The following MAPKAP1 variants were observed in gnomAD, a reference collection of about 807,000 sequenced individuals.
MAPKAP1 encodes the protein MAPK associated protein 1, also known as target of rapamycin complex 2 subunit MAPKAP1.
MAPKAP1 carries 20 observed loss-of-function variants against 65.7 expected under a neutral mutation model. The ratio of observed to expected loss-of-function variants is 0.30; its 90% CI spans 0.21 to 0.44. The LOEUF is 0.44. Among genes scored for constraint, MAPKAP1 ranks in the 20% least tolerant of loss-of-function variants. The pLI is 1.00. For missense variants in MAPKAP1, 423 were observed against 648.0 expected (o/e 0.65, Z 3.77); for synonymous variants, 222 against 244.3 (o/e 0.91, Z 0.85).
At chr9:125,622,703 C>T (rs900727313) in intron 4 of MAPKAP1, among the ~76,000 whole-genome samples, 31 of 152,160 alleles carry the variant, frequency 2.0e-4, no homozygotes, top group Admixed American at 1.2e-3. Context: ...CTTGGCCTCC[C>T]AAAGTGCTGG....
At position 125,678,376 on chromosome 9, in the gene MAPKAP1, A is replaced by G. The variant is rs568686127; in HGVS notation, c.-69-5733T>C. Among the ~76,000 whole-genome samples, 5 of 151,242 alleles carry G rather than the reference A, an allele frequency of 3.3e-5. No homozygotes were observed. In the South Asian group the frequency reaches 6.3e-4, roughly 19 times the overall value. ...TCCTGCCTCAGCCTCCTGAGTAGCTAAGACTACAGGCGCCCGCCACCACGC... is the reference window on the plus strand; with the variant it reads ...TCCTGCCTCAGCCTCCTGAGTAGCTGAGACTACAGGCGCCCGCCACCACGC... On this transcript the variant is annotated intron_variant, in intron 1 of 11. Coordinates refer to ENST00000265960, the MANE Select transcript of MAPKAP1 (RefSeq NM_001006617.3).
At chr9:125,664,190 T>C (rs1469984336) in intron 3 of MAPKAP1, among the ~76,000 whole-genome samples, 1 of 150,342 alleles carries the variant, frequency 6.7e-6, no homozygotes, top group Non-Finnish European at 1.5e-5. Context: ...CTACCAAAAA[T>C]ACAAAAATTA....
chr9:125,686,983 G>A (rs1180276093), intron 1 of MAPKAP1, among the ~76,000 whole-genome samples: 1 of 151,864 alleles, frequency 6.6e-6, no homozygotes, highest in Non-Finnish European at 1.5e-5. Context: ...CCACCACCAC[G>A]CCCGGCTAAT....
intron 9 of MAPKAP1, 91 bp downstream of exon 9, chr9:125,484,352 G>T: frequency 7.8e-7 from 1 of 1,283,038 alleles, no homozygotes; most frequent in East Asian, 2.7e-5. Context: ...TAGTCATTCA[G>T]GTCACATAAA....
chr9:125,646,310 TCAAAACAAAA>T (rs542264994), intron 4 of MAPKAP1, among the ~76,000 whole-genome samples: 44 of 152,026 alleles, frequency 2.9e-4, no homozygotes, highest in South Asian at 4.1e-4. Flanking sequence ...CCCTGTCTCT[TCAAAACAAAA>T]CAAAACAAAA....
intron 3 of MAPKAP1, among the ~76,000 whole-genome samples, chr9:125,666,731 G>A (rs1313015976): frequency 7.9e-5 from 12 of 152,188 alleles, no homozygotes; most frequent in Admixed American, 7.9e-4. Flanking sequence ...GTTTGTGGGA[G>A]ATGTATAAAA....
chr9:125,672,738 T>G, intron 1 of MAPKAP1, 95 bp from the exon 2 acceptor site: 6 of 736,790 alleles, frequency 8.1e-6, no homozygotes, highest in Non-Finnish European at 1.3e-5. Context: ...AATGCCACCT[T>G]GAAAATCAAC....
At chr9:125,525,324 C>A (rs1829730962) in intron 7 of MAPKAP1, among the ~76,000 whole-genome samples, 1 of 152,172 alleles carries the variant, frequency 6.6e-6, no homozygotes, top group Non-Finnish European at 1.5e-5. Flanking sequence ...TATTTTCATT[C>A]ATAAATGAGG....
At chr9:125,670,028 T>A in intron 2 of MAPKAP1, 121 bp from the exon 3 acceptor site, 1 of 540,024 alleles carries the variant, frequency 1.9e-6, no homozygotes, top group Non-Finnish European at 3.2e-6. Flanking sequence ...GAAAAAGTCA[T>A]AAAATTTTAA....
At chr9:125,599,113 A>G (rs1832227007) in intron 4 of MAPKAP1, among the ~76,000 whole-genome samples, 1 of 151,718 alleles carries the variant, frequency 6.6e-6, no homozygotes, top group Non-Finnish European at 1.5e-5. Context: ...AATACTGGTT[A>G]TTATGATGTT....
intron 3 of MAPKAP1, among the ~76,000 whole-genome samples, chr9:125,665,867 C>T (rs1269539208): frequency 6.6e-6 from 1 of 152,104 alleles, no homozygotes; most frequent in Non-Finnish European, 1.5e-5. Context: ...TATAAATAAG[C>T]TACATTGTTG....
At chr9:125,531,650 TTG>T (rs1829936428) in intron 7 of MAPKAP1, among the ~76,000 whole-genome samples, 1 of 152,228 alleles carries the variant, frequency 6.6e-6, no homozygotes, top group Non-Finnish European at 1.5e-5. Flanking sequence ...TTTTTAATTT[TTG>T]TGAGTTTTCC....
At chr9:125,475,589 C>T (rs1433773756) in intron 9 of MAPKAP1, among the ~76,000 whole-genome samples, 2 of 152,176 alleles carry the variant, frequency 1.3e-5, no homozygotes, top group African/African-American at 2.4e-5. Flanking sequence ...TGGACACGAA[C>T]GAACGCAGAG....
intron 4 of MAPKAP1, among the ~76,000 whole-genome samples, chr9:125,615,923 A>T (rs1378805503): frequency 2.0e-5 from 3 of 152,118 alleles, no homozygotes; most frequent in African/African-American, 7.2e-5. Context: ...CAGAAAAAAA[A>T]AAAAAAGAAA....
chr9:125,693,482 TACACATATATAC>T (rs1158960567), intron 1 of MAPKAP1, among the ~76,000 whole-genome samples: 22 of 148,520 alleles, frequency 1.5e-4, no homozygotes, highest in South Asian at 4.2e-4. Context: ...CACACACATA[TACACATATATAC>T]ACACATATAT....
At chr9:125,698,329 A>G (rs1237990529) in intron 1 of MAPKAP1, among the ~76,000 whole-genome samples, 6 of 101,316 alleles carry the variant, frequency 5.9e-5, no homozygotes, top group Non-Finnish European at 9.8e-5. Context: ...ATATATATAT[A>G]TATATATAAA....
intron 10 of MAPKAP1, among the ~76,000 whole-genome samples, chr9:125,458,991 G>A (rs867062570): frequency 0.011 from 1,283 of 112,574 alleles, 28 homozygotes; most frequent in African/African-American, 0.045. Flanking sequence ...GGTGGCTGCC[G>A]GGCGGAGGGG....
At chr9:125,703,304 T>C (rs1195637984) in intron 1 of MAPKAP1, among the ~76,000 whole-genome samples, 2 of 152,220 alleles carry the variant, frequency 1.3e-5, no homozygotes, top group African/African-American at 4.8e-5. Context: ...TTACTCTTTT[T>C]TGGCCAGTTT....
rs1271856309 is a variant in MAPKAP1 at position 125,637,470 on chromosome 9, T to C, written c.498+20181A>G. Among the ~76,000 whole-genome samples the C allele has an allele frequency of 2.6e-5, 4 of 152,010 alleles. No homozygotes were observed. In the East Asian group the frequency reaches 5.8e-4, roughly 22 times the overall value. ...GAAATCACTTGTGGTCATAGAACTGTCAGGTAATACAACAGTTGAGGTGAG... is the reference window on the plus strand; with the variant it reads ...GAAATCACTTGTGGTCATAGAACTGCCAGGTAATACAACAGTTGAGGTGAG... On this transcript the variant is annotated intron_variant, in intron 4 of 11. Transcript: ENST00000265960.
Sources: allele counts gnomAD v4.1 joint callset (sites outside exome capture counted in the v4.1 genomes callset), GRCh38; gene constraint gnomAD v4.1.1; transcripts MANE v1.5; gene names NCBI Gene and HGNC (gene_info 2026-07-23, HGNC 2026-07-21).